The following ALCAM variants were observed in gnomAD, a reference collection of about 807,000 sequenced individuals.
ALCAM encodes the protein CD166 antigen.
A neutral mutation model predicts 70.9 loss-of-function variants in ALCAM; 30 were observed. The ratio of observed to expected loss-of-function variants is 0.42; its 90% CI spans 0.32 to 0.57. The LOEUF (loss-of-function observed/expected upper bound fraction) is 0.57. Ranked by LOEUF, ALCAM falls within the 20% of genes least tolerant of loss-of-function variation. The pLI is 0.11. For synonymous variants in ALCAM, 249 were observed against 242.5 expected (o/e 1.03, Z -0.25); for missense variants, 591 against 695.1 (o/e 0.85, Z 1.68).
At chr3:105,437,022 T>G (rs560748533) in intron 1 of ALCAM, among the ~76,000 whole-genome samples, 1 of 152,342 alleles carries the variant, frequency 6.6e-6, no homozygotes, top group South Asian at 2.1e-4. Flanking sequence ...ACACTGAGAA[T>G]ACAGATGTGA....
chr3:105,485,676 T>C (rs1193834614), intron 1 of ALCAM, among the ~76,000 whole-genome samples: 25 of 152,088 alleles, frequency 1.6e-4, no homozygotes, highest in Admixed American at 1.6e-3. Flanking sequence ...TATATTTACA[T>C]ACTTCGGTTT....
intron 1 of ALCAM, among the ~76,000 whole-genome samples, chr3:105,401,628 C>G (rs903107009): frequency 1.3e-5 from 2 of 152,074 alleles, no homozygotes; most frequent in African/African-American, 4.8e-5. Flanking sequence ...TGTAGTATGT[C>G]TAAAATTTGT....
At chr3:105,514,665 G>A (rs918314132) in intron 1 of ALCAM, among the ~76,000 whole-genome samples, 2 of 151,750 alleles carry the variant, frequency 1.3e-5, no homozygotes, top group Admixed American at 6.6e-5. Flanking sequence ...ATAATCCTGG[G>A]TACTACTAGT....
At chr3:105,404,521 GACAA>G (rs1262481377) in intron 1 of ALCAM, among the ~76,000 whole-genome samples, 1 of 152,044 alleles carries the variant, frequency 6.6e-6, no homozygotes, top group Non-Finnish European at 1.5e-5. Context: ...GTTGTTTCCA[GACAA>G]ACAAATGCTA....
At chr3:105,506,819 A>G (rs1007365454) in intron 1 of ALCAM, among the ~76,000 whole-genome samples, 4 of 152,234 alleles carry the variant, frequency 2.6e-5, no homozygotes, top group African/African-American at 4.8e-5. Context: ...TATGTGAAAA[A>G]CATAATCATA....
chr3:105,478,526 C>T (rs766463251), intron 1 of ALCAM, among the ~76,000 whole-genome samples: 20 of 152,094 alleles, frequency 1.3e-4, no homozygotes, highest in South Asian at 4.1e-4. Flanking sequence ...CATACACATA[C>T]GCAAACACAC....
chr3:105,377,062 A>G (rs1426467162), intron 1 of ALCAM, among the ~76,000 whole-genome samples: 3 of 152,152 alleles, frequency 2.0e-5, no homozygotes, highest in Non-Finnish European at 1.5e-5. Context: ...ATACCTCCCT[A>G]CTTAAAAAAT....
chr3:105,515,308 A>T (rs1284000841), intron 1 of ALCAM, among the ~76,000 whole-genome samples: 5 of 152,056 alleles, frequency 3.3e-5, no homozygotes, highest in Admixed American at 6.6e-5. Flanking sequence ...TGAAGTCAGG[A>T]ATTAATCCCT....
chr3:105,447,612 CTG>C (rs1220965252), intron 1 of ALCAM, among the ~76,000 whole-genome samples: 1 of 152,132 alleles, frequency 6.6e-6, no homozygotes, highest in Non-Finnish European at 1.5e-5. Flanking sequence ...ACTCCGGAGA[CTG>C]AGGCAGGAGG....
At chr3:105,495,657 T>C (rs575169286) in intron 1 of ALCAM, among the ~76,000 whole-genome samples, 5 of 152,324 alleles carry the variant, frequency 3.3e-5, no homozygotes, top group South Asian at 4.1e-4. Context: ...GGTGGAATAA[T>C]ACATTTTACA....
Position 105,504,159 on chromosome 3 carries a change from G to A in ALCAM, c.74-15908G>A, listed in dbSNP as rs945764690. Among the ~76,000 whole-genome samples, 41 of 152,202 alleles carry A rather than the reference G, an allele frequency of 2.7e-4. 1 individual carries two copies. Among genetic ancestry groups the A allele is most frequent in the Non-Finnish European group, 1.0e-4 (7 of 68,040 alleles). ...TCCCCCTCACAGGGCATGCGACAGG[G>A]GTAGTGGCTCGCTTCTTCAGTGCCC... is the stretch of plus-strand genomic sequence containing the variant. On this transcript the variant is annotated intron_variant, in intron 1 of 15. Transcript: ENST00000306107.
chr3:105,543,162 G>GCTCTTAT (rs1231917959), intron 8 of ALCAM, among the ~76,000 whole-genome samples: 1 of 151,608 alleles, frequency 6.6e-6, no homozygotes, highest in Admixed American at 6.6e-5. Context: ...AAAGAAAAGG[G>GCTCTTAT]CTCTTATTTA....
In ALCAM at chr3:105,367,279, A is replaced by C. The variant is rs560262614; in HGVS notation, c.-130A>C. 7 of 823,726 alleles carry C rather than the reference A, an allele frequency of 8.5e-6. No homozygotes were observed. In the African/African-American group the frequency reaches 1.0e-4, roughly 12 times the overall value. 51.0% of individuals were successfully genotyped at this position (823,726 alleles called of 1,614,324 possible). A position where few individuals can be genotyped will look rare whatever the true frequency, so the allele number is the denominator to read the frequency against. ...AAGGTGCAGCGCCACAGCCCAGGGG[A>C]CGGTGTGTCTGGGAGAAGACGCTGC... On this transcript the variant is annotated 5_prime_UTR_variant, in exon 1 of 16. Coordinates refer to ENST00000306107, the MANE Select transcript of ALCAM (RefSeq NM_001627.4).
chr3:105,557,280 A>G (rs553665499), intron 14 of ALCAM, among the ~76,000 whole-genome samples: 32 of 152,182 alleles, frequency 2.1e-4, no homozygotes, highest in African/African-American at 7.5e-4. Context: ...AAGAAAAGAA[A>G]ATACCTCACT....
intron 3 of ALCAM, 22 bp from the exon 4 acceptor site, chr3:105,531,980 A>G: frequency 1.2e-6 from 2 of 1,608,616 alleles, no homozygotes; most frequent in Non-Finnish European, 1.7e-6. Context: ...TGTACTTAAA[A>G]TCTTTCTCTG....
At chr3:105,436,616 T>A (rs1276528887) in intron 1 of ALCAM, among the ~76,000 whole-genome samples, 1 of 152,222 alleles carries the variant, frequency 6.6e-6, no homozygotes, top group African/African-American at 2.4e-5. Flanking sequence ...CATGAGCCTG[T>A]ATTTAATTTT....
chr3:105,433,231 A>G (rs1042617739), intron 1 of ALCAM, among the ~76,000 whole-genome samples: 16 of 152,152 alleles, frequency 1.1e-4, no homozygotes, highest in Non-Finnish European at 2.2e-4. Flanking sequence ...GCCAAATTTA[A>G]TAAAGGAGAA....
chr3:105,561,102 TG>T (rs958211879), intron 14 of ALCAM, among the ~76,000 whole-genome samples: 23 of 152,352 alleles, frequency 1.5e-4, no homozygotes, highest in African/African-American at 5.3e-4. Context: ...TGTAGACATT[TG>T]ATATGTCCTT....
chr3:105,568,800 C>T (rs1940798960), intron 14 of ALCAM, among the ~76,000 whole-genome samples: 1 of 152,122 alleles, frequency 6.6e-6, no homozygotes, highest in Admixed American at 6.5e-5. Context: ...CTCTCAAATA[C>T]ATTCACATAC....
Sources: allele counts gnomAD v4.1 joint callset (sites outside exome capture counted in the v4.1 genomes callset), GRCh38; gene constraint gnomAD v4.1.1; transcripts MANE v1.5; gene names NCBI Gene and HGNC (gene_info 2026-07-23, HGNC 2026-07-21).